The following TNIK variants were observed in gnomAD, a reference collection of about 807,000 sequenced individuals.
TNIK encodes TRAF2 and NCK-interacting protein kinase.
In TNIK, 49 loss-of-function variants were observed where a neutral mutation model predicts 191.3. The ratio of observed to expected loss-of-function variants is 0.26; its 90% CI spans 0.20 to 0.32. TNIK has a LOEUF of 0.32. Among genes scored for constraint, TNIK ranks in the 10% least tolerant of loss-of-function variants. The pLI, the probability that TNIK is intolerant of heterozygous loss-of-function variation, is 1.00. For missense variants in TNIK, 1,155 were observed against 1,702.3 expected (o/e 0.68, Z 5.66); for synonymous variants, 594 against 600.9 (o/e 0.99, Z 0.17).
At chr3:171,459,634 C>T (rs1310951461) in intron 1 of TNIK, among the ~76,000 whole-genome samples, 1 of 149,628 alleles carries the variant, frequency 6.7e-6, no homozygotes, top group Non-Finnish European at 1.5e-5. Flanking sequence ...AAGGGACAGT[C>T]GGGTCTCGCG....
At position 171,358,482 on chromosome 3, in the gene TNIK, G is replaced by A. The variant is rs567339893; in HGVS notation, c.123+11138C>T. Reference sequence around the variant, plus strand: ...AACAGTATGAGGGAAACTGCCCCCAGGATTCAATCATCTACACCTGGCCCC... The same window carrying A: ...AACAGTATGAGGGAAACTGCCCCCAAGATTCAATCATCTACACCTGGCCCC... On this transcript the variant is annotated intron_variant, in intron 2 of 32. Coordinates refer to ENST00000436636, the MANE Select transcript of TNIK (RefSeq NM_015028.4). Among the ~76,000 whole-genome samples, 6 of 152,230 alleles carry A rather than the reference G, an allele frequency of 3.9e-5. No homozygotes were observed. In the South Asian group the frequency reaches 1.2e-3, roughly 32 times the overall value.
chr3:171,364,344 T>G (rs1328074806), intron 2 of TNIK, among the ~76,000 whole-genome samples: 1 of 151,258 alleles, frequency 6.6e-6, no homozygotes, highest in African/African-American at 2.4e-5. Flanking sequence ...AAACATAAGA[T>G]CCACATCCCC....
intron 1 of TNIK, among the ~76,000 whole-genome samples, chr3:171,397,678 G>A (rs1167802320): frequency 6.6e-6 from 1 of 152,284 alleles, no homozygotes; most frequent in East Asian, 1.9e-4. Context: ...AGATATCACT[G>A]TAATATGTTT....
At chr3:171,155,970 G>A (rs1240556144) in intron 12 of TNIK, among the ~76,000 whole-genome samples, 1 of 152,164 alleles carries the variant, frequency 6.6e-6, no homozygotes, top group Non-Finnish European at 1.5e-5. Flanking sequence ...ATTATCTTTA[G>A]ACTGGAGATT....
chr3:171,173,235 A>C (rs1214551551), intron 9 of TNIK, among the ~76,000 whole-genome samples: 1 of 150,906 alleles, frequency 6.6e-6, no homozygotes, highest in Admixed American at 6.6e-5. Context: ...AAAAAAAAAA[A>C]AATACAAAAA....
Position 171,101,580 on chromosome 3 carries a change from G to A in TNIK, c.2460C>T (p.Asn820=), listed in dbSNP as rs1378695064. Residue 820 remains asparagine, a synonymous_variant, in exon 22 of 33, where the codon AAC becomes AAT. Transcript: ENST00000436636. ...ELRELRIEET[N]RPMKKVTDYS... ...AATCAGTCACCTTCTTCATTGGGCG[G>A]TTTGTTTCTTCAATCCGGAGTTCTC... 6.2e-7 allele frequency: 1 copy of A among 1,613,220 alleles called. No individual in the cohort carries two copies. The highest frequency in any genetic ancestry group is 2.2e-5 in the East Asian group (1 of 44,862).
intron 2 of TNIK, among the ~76,000 whole-genome samples, chr3:171,293,001 C>T (rs1472246996): frequency 6.6e-6 from 1 of 152,082 alleles, no homozygotes; most frequent in Admixed American, 6.5e-5. Flanking sequence ...AGACAACTCA[C>T]CCCACTAAAG....
intron 32 of TNIK, among the ~76,000 whole-genome samples, chr3:171,065,372 C>T (rs1718303808): frequency 6.6e-6 from 1 of 152,186 alleles, no homozygotes; most frequent in Admixed American, 6.5e-5. Flanking sequence ...CCAACCTGAC[C>T]TTTGGGGAAC....
chr3:171,456,960 AACTT>A (rs1463948874), intron 1 of TNIK, among the ~76,000 whole-genome samples: 2 of 152,198 alleles, frequency 1.3e-5, no homozygotes, highest in African/African-American at 4.8e-5. Context: ...GACCTTGAAC[AACTT>A]ACTTCACGCC....
At chr3:171,214,230 G>A (rs1028848344) in intron 3 of TNIK, among the ~76,000 whole-genome samples, 1 of 151,588 alleles carries the variant, frequency 6.6e-6, no homozygotes, top group Non-Finnish European at 1.5e-5. Flanking sequence ...TACTAGATGA[G>A]ACAAGAACTC....
intron 22 of TNIK, among the ~76,000 whole-genome samples, chr3:171,101,192 C>T (rs1009053442): frequency 3.3e-5 from 5 of 151,928 alleles, no homozygotes; most frequent in African/African-American, 7.3e-5. Flanking sequence ...AAGAAAGAGT[C>T]GCCGAAAGGA....
chr3:171,117,495 A>AATACACATATATGAGACAT (rs1553818521), intron 18 of TNIK, among the ~76,000 whole-genome samples: 72 of 151,300 alleles, frequency 4.8e-4, no homozygotes, highest in African/African-American at 1.6e-3. Flanking sequence ...TAAATTAGTA[A>AATACACATATATGAGACAT]ATACATATAT....
rs564211240 is a variant in TNIK at position 171,070,345 on chromosome 3, A to G, written c.3549+878T>C. On this transcript the variant is annotated intron_variant, in intron 29 of 32. Transcript: ENST00000436636. ...AAGGGCAGTTTTGCCCTTCATGAGA[A>G]TGTGGCAGAAAATAATAAGGAGCCA... is the stretch of plus-strand genomic sequence containing the variant. Among the ~76,000 whole-genome samples the G allele has an allele frequency of 2.0e-5, 3 of 152,256 alleles. No homozygotes were observed. The East Asian group carries it at 5.8e-4, about 29-fold the overall frequency.
rs916652428 is a variant in TNIK at position 171,139,518 on chromosome 3, C to G, written c.1371G>C (p.Gln457His). ...IRRQLEEEQR[Q>H]LEILQQQLLH... ...GTAGCTGCTGCTGCAAGATCTCTAA[C>G]TGTCTCTGCTCCTCCTCTAACTGTC... The change falls in exon 14 of 33, where the codon CAG (glutamine) becomes CAC (histidine). Residue 457 changes from glutamine to histidine, a missense_variant. Gln to His is a conservative substitution (Grantham distance 24, BLOSUM62 0). Transcript: ENST00000436636. 5.6e-6 allele frequency: 9 copies of G among 1,613,794 alleles called. No homozygotes were observed. Among genetic ancestry groups the G allele is most frequent in the Non-Finnish European group, 6.8e-6 (8 of 1,179,758 alleles).
At chr3:171,145,436 G>A (rs1194339808) in intron 12 of TNIK, among the ~76,000 whole-genome samples, 1 of 152,144 alleles carries the variant, frequency 6.6e-6, no homozygotes, top group Admixed American at 6.5e-5. Context: ...TATACACCCA[G>A]TGGTGGGATT....
intron 1 of TNIK, among the ~76,000 whole-genome samples, chr3:171,404,928 T>A (rs902921212): frequency 9.2e-5 from 14 of 152,270 alleles, no homozygotes; most frequent in African/African-American, 3.4e-4. Context: ...AACACGATGA[T>A]TATAAATTTG....
At chr3:171,269,457 A>C (rs1748821570) in intron 2 of TNIK, among the ~76,000 whole-genome samples, 1 of 152,252 alleles carries the variant, frequency 6.6e-6, no homozygotes, top group African/African-American at 2.4e-5. Flanking sequence ...TTGTAACCAT[A>C]CAAATTATAT....
In TNIK at chr3:171,063,864, T is replaced by C; in HGVS notation, c.*17A>G. On this transcript the variant is annotated 3_prime_UTR_variant, in exon 33 of 33. Transcript: ENST00000436636. ...TTAGAAATAACGCCATGAAGATAAGTGCCAAGTGCTCTTCTGTTACCAGTT... is the reference window on the plus strand; with the variant it reads ...TTAGAAATAACGCCATGAAGATAAGCGCCAAGTGCTCTTCTGTTACCAGTT... 6.2e-7 allele frequency: 1 copy of C among 1,611,618 alleles called. No homozygotes were observed. Among genetic ancestry groups the C allele is most frequent in the Middle Eastern group, 1.7e-4 (1 of 6,044 alleles).
rs140289760 is a variant in TNIK, at chr3:171,296,079, C to G, written c.124-67858G>C. ...CAATGTAGAACAGTATGTGTCAAAC[C>G]TTTAGTTACTCCCAAAATGCTATAA... On this transcript the variant is annotated intron_variant, in intron 2 of 32. Coordinates refer to ENST00000436636, the MANE Select transcript of TNIK (RefSeq NM_015028.4). Among the ~76,000 whole-genome samples the G allele has an allele frequency of 4.1e-3, 631 of 152,244 alleles. 2 individuals are homozygous for G. Among genetic ancestry groups the G allele is most frequent in the African/African-American group, 0.015 (608 of 41,538 alleles).
Sources: gnomAD v4.1 joint callset for allele counts (sites outside exome capture counted in the v4.1 genomes callset) on GRCh38, gnomAD v4.1.1 for gene constraint, MANE v1.5 for transcripts, NCBI Gene and HGNC (gene_info 2026-07-23, HGNC 2026-07-21) for gene names.